The following TRMT11 variants were observed in gnomAD, a reference collection of about 807,000 sequenced individuals.
TRMT11 encodes tRNA (guanine(10)-N(2))-methyltransferase TRMT11.
Under a neutral mutation model 62.8 loss-of-function variants are expected in TRMT11, and 53 were observed. The ratio of observed to expected loss-of-function variants is 0.84; its 90% CI spans 0.68 to 1.06. TRMT11 has a LOEUF of 1.06. TRMT11 is among the 50% of genes least tolerant of loss of function. The probability of loss-of-function intolerance (pLI) is 0.00; values close to 1 mark genes in which losing one functional copy is unlikely to be tolerated. For synonymous variants in TRMT11, 188 were observed against 190.3 expected, an observed-to-expected ratio of 0.99 and a Z score of 0.10; for missense variants, 556 against 553.4, an observed-to-expected ratio of 1.00 and a Z score of -0.05.
chr6:126,011,738 A>G (rs1421922493), intron 9 of TRMT11, among the ~76,000 whole-genome samples: 2 of 152,144 alleles, frequency 1.3e-5, no homozygotes, highest in Admixed American at 6.6e-5. Flanking sequence ...TGTATTGACT[A>G]TAATTGGTTA....
At chr6:126,257,060 T>G in the TRMT11 span, among the ~76,000 whole-genome samples, 1 of 151,700 alleles carries the variant, frequency 6.6e-6, no homozygotes, top group Non-Finnish European at 1.5e-5. Flanking sequence ...TAATTTTTGT[T>G]TTTTTAGTAG....
At chr6:126,151,633 C>G (rs1186414044) in intron 21 of TRMT11, among the ~76,000 whole-genome samples, 2 of 152,138 alleles carry the variant, frequency 1.3e-5, no homozygotes, top group African/African-American at 2.4e-5. Context: ...CTCCCACTTT[C>G]ATAGTATCCC....
the TRMT11 span, among the ~76,000 whole-genome samples, chr6:126,258,932 C>A: frequency 6.6e-6 from 1 of 152,066 alleles, no homozygotes; most frequent in Non-Finnish European, 1.5e-5. Context: ...AGGTATTAAG[C>A]CTAGTACTCA....
chr6:126,055,938 T>G (rs1440005106), intron 17 of TRMT11, among the ~76,000 whole-genome samples: 2 of 152,224 alleles, frequency 1.3e-5, no homozygotes, highest in Non-Finnish European at 2.9e-5. Context: ...CGTGGGTCTC[T>G]GAGACACCCA....
Position 125,999,510 on chromosome 6 carries a change from CTT to C in TRMT11, c.578_579del (p.Phe193TyrfsTer16). 1 of 1,611,434 alleles carries C rather than the reference CTT, an allele frequency of 6.2e-7. No homozygotes were observed. The highest frequency in any genetic ancestry group is 8.5e-7 in the Non-Finnish European group (1 of 1,178,748). ...IESYSVKKRH[F>X]IGNTSMDAGL... The stretch of plus-strand genomic sequence containing the variant: ...AGTCATACAGTGTCAAAAAGAGACA[CTT>C]TATTGGAAATACAAGTATGGATGCT... On this transcript the variant is annotated frameshift_variant, in exon 7 of 13. Transcript: ENST00000334379. LOFTEE classifies it high-confidence loss of function.
the TRMT11 span, chr6:126,257,960 G>T: frequency 1.3e-6 from 2 of 1,560,960 alleles, no homozygotes; most frequent in Non-Finnish European, 1.8e-6. Context: ...GCATGCCCCG[G>T]ATCTTGTCCA....
chr6:126,239,351 G>A, the TRMT11 span, among the ~76,000 whole-genome samples: 23 of 152,244 alleles, frequency 1.5e-4, no homozygotes, highest in African/African-American at 4.6e-4. Flanking sequence ...GGTACCGGTT[G>A]TTCCTTTCCA....
At chr6:126,244,928 G>T in the TRMT11 span, among the ~76,000 whole-genome samples, 6 of 152,128 alleles carry the variant, frequency 3.9e-5, no homozygotes, top group Non-Finnish European at 7.4e-5. Flanking sequence ...TTCTCAAAAA[G>T]TTATTTTAAA....
At chr6:126,232,148 TTGTG>T in the TRMT11 span, among the ~76,000 whole-genome samples, 3 of 150,004 alleles carry the variant, frequency 2.0e-5, no homozygotes, top group African/African-American at 4.9e-5. Flanking sequence ...ACATTTGTGT[TTGTG>T]TGTGTGTGTG....
At position 126,131,016 on chromosome 6, in the gene TRMT11, G is replaced by A. The variant is rs1286960310; in HGVS notation, c.*1823+15161G>A. On this transcript the variant is annotated intron_variant and NMD_transcript_variant, in intron 21 of 22. Coordinates refer to the TRMT11 transcript ENST00000648977. ...GAAGCACGCAGTGGGAAGTGTTATTGCTTGGAGCCAAGTCTATTTATGTTG... is the reference window on the plus strand; with the variant it reads ...GAAGCACGCAGTGGGAAGTGTTATTACTTGGAGCCAAGTCTATTTATGTTG... Among the ~76,000 whole-genome samples the A allele has an allele frequency of 3.9e-5, 6 of 152,198 alleles. No homozygotes were observed. The East Asian group carries it at 1.2e-3, about 29-fold the overall frequency.
the TRMT11 span, among the ~76,000 whole-genome samples, chr6:126,227,598 C>T: frequency 6.6e-6 from 1 of 152,192 alleles, no homozygotes; most frequent in Non-Finnish European, 1.5e-5. Context: ...ATCCCACTTT[C>T]CCTAAATTAA....
intron 21 of TRMT11, among the ~76,000 whole-genome samples, chr6:126,146,088 A>T (rs1201602626): frequency 6.6e-6 from 1 of 152,204 alleles, no homozygotes. Context: ...AGACAAAATG[A>T]TTGCCTTCTT....
chr6:126,020,461 G>C (rs1482220902), intron 11 of TRMT11, among the ~76,000 whole-genome samples: 2 of 152,116 alleles, frequency 1.3e-5, no homozygotes, highest in Non-Finnish European at 2.9e-5. Context: ...ATTGACTCCT[G>C]CTTTCTAGAC....
the TRMT11 span, among the ~76,000 whole-genome samples, chr6:126,260,609 T>G: frequency 1.3e-5 from 2 of 152,184 alleles, no homozygotes; most frequent in Admixed American, 1.3e-4. Context: ...TCTTGTAGGG[T>G]TAGTCTAATG....
intron 21 of TRMT11, among the ~76,000 whole-genome samples, chr6:126,165,118 A>G (rs893860334): frequency 2.6e-5 from 4 of 152,108 alleles, no homozygotes; most frequent in Non-Finnish European, 4.4e-5. Flanking sequence ...CTCTACTAAA[A>G]ATAAAGAAAA....
chr6:126,058,356 T>C (rs1465309438), intron 17 of TRMT11, among the ~76,000 whole-genome samples: 1 of 152,244 alleles, frequency 6.6e-6, no homozygotes, highest in African/African-American at 2.4e-5. Flanking sequence ...AGTCTATCAT[T>C]GATAGGCATT....
chr6:126,270,443 C>A, the TRMT11 span, among the ~76,000 whole-genome samples: 29 of 152,118 alleles, frequency 1.9e-4, no homozygotes, highest in African/African-American at 6.7e-4. Flanking sequence ...AATACATAAT[C>A]CTAGACTGGA....
intron 18 of TRMT11, among the ~76,000 whole-genome samples, chr6:126,113,594 T>A (rs983671355): frequency 2.6e-5 from 4 of 152,114 alleles, no homozygotes; most frequent in African/African-American, 9.6e-5. Flanking sequence ...GAGCACTGAT[T>A]GTGTGTCAGC....
At chr6:126,028,904 A>G (rs1351238588) in intron 12 of TRMT11, among the ~76,000 whole-genome samples, 1 of 152,164 alleles carries the variant, frequency 6.6e-6, no homozygotes, top group Non-Finnish European at 1.5e-5. Context: ...TGGTTCCAGC[A>G]TGTTTTTAAG....
Sources: gnomAD v4.1 joint callset for allele counts (sites outside exome capture counted in the v4.1 genomes callset) on GRCh38, gnomAD v4.1.1 for gene constraint, MANE v1.5 for transcripts, NCBI Gene and HGNC (gene_info 2026-07-23, HGNC 2026-07-21) for gene names.